The following UGT1A10 variants were observed in gnomAD, a reference collection of about 807,000 sequenced individuals.
UGT1A10 encodes UDP-glucuronosyltransferase 1A10.
A neutral mutation model predicts 45.8 loss-of-function variants in UGT1A10; 49 were observed. The observed-to-expected ratio is 1.07, with a 90% CI of 0.85 to 1.36. The LOEUF (loss-of-function observed/expected upper bound fraction) is 1.36. Ranked by LOEUF, UGT1A10 falls within the 40% of genes most tolerant of loss-of-function variation. The pLI is 0.00. For synonymous variants in UGT1A10, 284 were observed against 249.7 expected (o/e 1.14, Z -1.29); for missense variants, 745 against 668.6 (o/e 1.11, Z -1.26).
chr2:233,661,676 T>TTTCTTTCTTTCA (rs2073972076), intron 1 of UGT1A10, among the ~76,000 whole-genome samples: 1 of 149,432 alleles, frequency 6.7e-6, no homozygotes, highest in Admixed American at 6.8e-5. Context: ...TCTTTCTTTC[T>TTTCTTTCTTTCA]TTCTTTTTAA....
intron 1 of UGT1A10, 62 bp downstream of exon 1, chr2:233,637,439 C>A: frequency 1.3e-6 from 2 of 1,529,222 alleles, no homozygotes; most frequent in Admixed American, 2.2e-5. Flanking sequence ...AAAAAGGATT[C>A]CTTACTGAAC....
intron 1 of UGT1A10, chr2:233,760,760 C>G (rs1218181857): frequency 6.2e-7 from 1 of 1,614,064 alleles, no homozygotes; most frequent in African/African-American, 1.3e-5. Context: ...CCTTGCAGCC[C>G]CATCGTGGCC....
At chr2:233,637,834 A>G (rs1218745225) in intron 1 of UGT1A10, among the ~76,000 whole-genome samples, 1 of 152,128 alleles carries the variant, frequency 6.6e-6, no homozygotes. Flanking sequence ...ATTCTTCTTT[A>G]TCTTGCATTT....
At chr2:233,728,855 A>C (rs900192312) in intron 1 of UGT1A10, among the ~76,000 whole-genome samples, 5 of 152,210 alleles carry the variant, frequency 3.3e-5, no homozygotes, top group African/African-American at 1.2e-4. Flanking sequence ...ATTGGATGAG[A>C]AACAAGAGCT....
At chr2:233,676,820 G>T (rs2074372635) in intron 1 of UGT1A10, among the ~76,000 whole-genome samples, 1 of 152,138 alleles carries the variant, frequency 6.6e-6, no homozygotes, top group African/African-American at 2.4e-5. Flanking sequence ...ATATTCAACT[G>T]TAGAAAAACA....
intron 1 of UGT1A10, among the ~76,000 whole-genome samples, chr2:233,712,765 T>A (rs566033271): frequency 3.0e-4 from 45 of 152,200 alleles, no homozygotes; most frequent in Admixed American, 1.7e-3. Flanking sequence ...GAGCGCAAGG[T>A]CAGATGAGTT....
chr2:233,723,542 A>ATTTTTTTTTTTTTT (rs2077098328), intron 1 of UGT1A10, among the ~76,000 whole-genome samples: 1 of 74,520 alleles, frequency 1.3e-5, no homozygotes. Flanking sequence ...TTTTTAATTT[A>ATTTTTTTTTTTTTT]TTTTTTTATT....
intron 1 of UGT1A10, among the ~76,000 whole-genome samples, chr2:233,679,726 A>C (rs749005080): frequency 1.3e-5 from 2 of 152,136 alleles, no homozygotes; most frequent in African/African-American, 2.4e-5. Flanking sequence ...TTTTAAAGCC[A>C]AACCTCTTTG....
intron 1 of UGT1A10, chr2:233,648,801 C>T (rs2073668580): frequency 2.1e-6 from 2 of 938,692 alleles, no homozygotes; most frequent in Admixed American, 3.7e-5. Context: ...TAAGGAACCA[C>T]ATCTTCTACT....
intron 1 of UGT1A10, chr2:233,719,820 C>T: frequency 6.4e-7 from 1 of 1,571,828 alleles, no homozygotes; most frequent in Non-Finnish European, 8.6e-7. Flanking sequence ...AACAGATAAA[C>T]TGTTGAGGGG....
chr2:233,655,772 A>G (rs1309478526), intron 1 of UGT1A10, among the ~76,000 whole-genome samples: 2 of 152,182 alleles, frequency 1.3e-5, no homozygotes, highest in African/African-American at 4.8e-5. Context: ...TCCCTGCAAG[A>G]GCAATGCTAA....
intron 1 of UGT1A10, chr2:233,742,079 T>C (rs1691866087): frequency 6.6e-6 from 1 of 151,874 alleles, no homozygotes; most frequent in Non-Finnish European, 1.5e-5. Flanking sequence ...GGAGATCCTT[T>C]TTTTACATTT....
chr2:233,682,864 T>G, intron 1 of UGT1A10: 2 of 1,527,656 alleles, frequency 1.3e-6, no homozygotes, highest in Non-Finnish European at 1.7e-6. Flanking sequence ...TACAGAATCA[T>G]AATTTATCAT....
At chr2:233,681,684 G>A (rs1261867119) in intron 1 of UGT1A10, among the ~76,000 whole-genome samples, 4 of 152,004 alleles carry the variant, frequency 2.6e-5, no homozygotes, top group Non-Finnish European at 5.9e-5. Context: ...TCATATTGCA[G>A]CACAGGGCAT....
At chr2:233,695,044 T>C (rs545239838) in intron 1 of UGT1A10, among the ~76,000 whole-genome samples, 1 of 152,338 alleles carries the variant, frequency 6.6e-6, no homozygotes, top group African/African-American at 2.4e-5. Context: ...TTGTTAACCA[T>C]AGTCACCCTA....
At chr2:233,699,966 C>T (rs952923165) in intron 1 of UGT1A10, among the ~76,000 whole-genome samples, 4 of 152,164 alleles carry the variant, frequency 2.6e-5, no homozygotes, top group Middle Eastern at 3.2e-3. Flanking sequence ...AAATACCCGT[C>T]CCCCAACTCC....
At chr2:233,640,183 A>G (rs2073414435) in intron 1 of UGT1A10, among the ~76,000 whole-genome samples, 1 of 152,234 alleles carries the variant, frequency 6.6e-6, no homozygotes, top group Admixed American at 6.5e-5. Flanking sequence ...GTTTACTTCA[A>G]GTATTTATTT....
At chr2:233,688,019 T>A (rs2074875206) in intron 1 of UGT1A10, among the ~76,000 whole-genome samples, 1 of 152,220 alleles carries the variant, frequency 6.6e-6, no homozygotes, top group African/African-American at 2.4e-5. Context: ...CAATCAACCA[T>A]CACCAATATC....
intron 1 of UGT1A10, among the ~76,000 whole-genome samples, chr2:233,711,058 A>G (rs1484955286): frequency 6.6e-6 from 1 of 152,152 alleles, no homozygotes; most frequent in African/African-American, 2.4e-5. Context: ...CATGGCTTCA[A>G]TCACCACTTA....
Sources: allele counts gnomAD v4.1 joint callset (sites outside exome capture counted in the v4.1 genomes callset), GRCh38; gene constraint gnomAD v4.1.1; transcripts MANE v1.5; gene names NCBI Gene and HGNC (gene_info 2026-07-23, HGNC 2026-07-21).